Variants in RBFOX1 observed in about 807,000 individuals in gnomAD.
The protein encoded by RBFOX1 is RNA binding fox-1 homolog 1.
A neutral mutation model predicts 57.7 loss-of-function variants in RBFOX1; 8 were observed. That is an observed-to-expected ratio of 0.14 (90% confidence interval 0.08 to 0.25). RBFOX1 has a LOEUF of 0.25. Ranked by LOEUF, RBFOX1 falls within the 10% of genes least tolerant of loss-of-function variation. RBFOX1 has a pLI of 1.00. For synonymous variants in RBFOX1, 326 were observed against 222.4 expected (o/e 1.47, Z -4.15); for missense variants, 611 against 548.5 (o/e 1.11, Z -1.14).
intron 4 of RBFOX1, among the ~76,000 whole-genome samples, chr16:7,384,749 C>G (rs2097849270): frequency 6.6e-6 from 1 of 152,180 alleles, no homozygotes; most frequent in Admixed American, 6.5e-5. Context: ...CTCATTCACT[C>G]AACAAATATT....
intron 1 of RBFOX1, among the ~76,000 whole-genome samples, chr16:6,210,048 T>G (rs2097282948): frequency 6.6e-6 from 1 of 151,976 alleles, no homozygotes. Flanking sequence ...CCAGGCATGA[T>G]GGCTCATGCC....
chr16:5,862,289 G>A (rs191884478), intron 3 of RBFOX1, among the ~76,000 whole-genome samples: 30 of 152,302 alleles, frequency 2.0e-4, no homozygotes, highest in Admixed American at 3.3e-4. Context: ...ATGCACTGAC[G>A]TCACAGTTAA....
intron 2 of RBFOX1, among the ~76,000 whole-genome samples, chr16:6,459,085 C>T (rs1156878801): frequency 2.6e-5 from 4 of 152,202 alleles, no homozygotes; most frequent in Non-Finnish European, 4.4e-5. Flanking sequence ...CCTGTAATCC[C>T]AGCACTTTGG....
At chr16:5,535,924 G>A (rs1382490131) in intron 2 of RBFOX1, among the ~76,000 whole-genome samples, 4 of 152,166 alleles carry the variant, frequency 2.6e-5, no homozygotes, top group Admixed American at 6.5e-5. Context: ...ATGCTTCAAA[G>A]AGCCTTTTTG....
At chr16:7,298,882 C>G (rs766618522) in intron 4 of RBFOX1, among the ~76,000 whole-genome samples, 2 of 152,090 alleles carry the variant, frequency 1.3e-5, no homozygotes, top group Non-Finnish European at 2.9e-5. Flanking sequence ...GTTGGTCTTG[C>G]TATCTCTGGG....
chr16:6,322,846 T>A (rs2081968982), intron 2 of RBFOX1, among the ~76,000 whole-genome samples: 1 of 152,152 alleles, frequency 6.6e-6, no homozygotes, highest in South Asian at 2.1e-4. Context: ...CAGGGTGGGT[T>A]TCATGCCAGC....
chr16:5,837,771 C>G lies in RBFOX1; in HGVS notation c.319-29532C>G, dbSNP rs113278815. 1.7e-3 allele frequency among the ~76,000 whole-genome samples: 255 copies of G among 152,234 alleles called. 1 individual carries two copies. Among genetic ancestry groups the G allele is most frequent in the African/African-American group, 5.9e-3 (246 of 41,546 alleles). ...AATTATTTATATAACGTTGGCTTTCCCAACCAGACTTCCCTGAAGGCAGGG... is the reference window on the plus strand; with the variant it reads ...AATTATTTATATAACGTTGGCTTTCGCAACCAGACTTCCCTGAAGGCAGGG... On this transcript the variant is annotated intron_variant, in intron 3 of 19. Transcript: ENST00000641259.
chr16:6,893,103 A>G (rs2065918972), intron 3 of RBFOX1, among the ~76,000 whole-genome samples: 1 of 152,116 alleles, frequency 6.6e-6, no homozygotes. Context: ...ACCCTCCTAG[A>G]TTCCATTCAC....
chr16:6,700,440 C>G (rs2061658880), intron 3 of RBFOX1, among the ~76,000 whole-genome samples: 1 of 151,934 alleles, frequency 6.6e-6, no homozygotes, highest in African/African-American at 2.4e-5. Flanking sequence ...GGCGGATCAC[C>G]TGAGGTCAGG....
At chr16:7,501,552 C>T (rs1475736476) in intron 4 of RBFOX1, among the ~76,000 whole-genome samples, 1 of 152,222 alleles carries the variant, frequency 6.6e-6, no homozygotes, top group Non-Finnish European at 1.5e-5. Context: ...TTCAGCCCAG[C>T]TCTATATTTT....
intron 2 of RBFOX1, among the ~76,000 whole-genome samples, chr16:6,533,685 ATTT>A (rs2096693875): frequency 6.6e-6 from 1 of 152,120 alleles, no homozygotes. Context: ...GAATGGAAAC[ATTT>A]AACTCAGATC....
intron 10 of RBFOX1, among the ~76,000 whole-genome samples, chr16:7,617,228 C>G (rs980081630): frequency 1.1e-4 from 17 of 152,158 alleles, no homozygotes; most frequent in Non-Finnish European, 1.9e-4. Flanking sequence ...TCCCTATGAT[C>G]CCTGTTTCAA....
At chr16:5,424,940 T>TTTG (rs2067488347) in intron 1 of RBFOX1, among the ~76,000 whole-genome samples, 3 of 86,328 alleles carry the variant, frequency 3.5e-5, no homozygotes, top group South Asian at 7.5e-4. Context: ...TCTTTCTCTC[T>TTTG]CTTCTTTCTT....
intron 3 of RBFOX1, among the ~76,000 whole-genome samples, chr16:5,674,836 A>G (rs1469807613): frequency 6.6e-6 from 1 of 152,142 alleles, no homozygotes; most frequent in African/African-American, 2.4e-5. Context: ...CGCACGTAGT[A>G]CGTTATGTAA....
intron 3 of RBFOX1, among the ~76,000 whole-genome samples, chr16:5,842,010 C>G (rs1597456154): frequency 6.6e-6 from 1 of 152,244 alleles, no homozygotes. Flanking sequence ...CCTCATCCTC[C>G]TCTCCCTGTG....
chr16:6,933,241 C>G (rs563719479), intron 3 of RBFOX1, among the ~76,000 whole-genome samples: 2 of 152,164 alleles, frequency 1.3e-5, no homozygotes, highest in African/African-American at 4.8e-5. Context: ...TTTCAGTTGT[C>G]TTGGGTGTAT....
intron 2 of RBFOX1, among the ~76,000 whole-genome samples, chr16:6,389,528 C>T (rs745736369): frequency 1.3e-5 from 2 of 152,090 alleles, no homozygotes; most frequent in Non-Finnish European, 2.9e-5. Flanking sequence ...TTTTTCAGAA[C>T]TCTAAAATGA....
chr16:6,574,693 G>C (rs1345656746), intron 2 of RBFOX1, among the ~76,000 whole-genome samples: 1 of 67,574 alleles, frequency 1.5e-5, no homozygotes, highest in East Asian at 5.3e-4. Flanking sequence ...CTCCCAAAGT[G>C]CTGGGATTAC....
intron 4 of RBFOX1, among the ~76,000 whole-genome samples, chr16:7,237,768 G>C (rs1186006808): frequency 6.6e-6 from 1 of 152,366 alleles, no homozygotes; most frequent in African/African-American, 2.4e-5. Flanking sequence ...CACTTTGGGA[G>C]GGTGAGGCGG....
Sources: allele counts gnomAD v4.1 joint callset (sites outside exome capture counted in the v4.1 genomes callset), GRCh38; gene constraint gnomAD v4.1.1; transcripts MANE v1.5; gene names NCBI Gene and HGNC (gene_info 2026-07-23, HGNC 2026-07-21).